Variants in COG3 observed in about 807,000 individuals in gnomAD.
COG3 encodes the protein component of oligomeric golgi complex 3.
In COG3, 32 loss-of-function variants were observed where a neutral mutation model predicts 114.1. The ratio of observed to expected loss-of-function variants is 0.28; its 90% CI spans 0.21 to 0.38. COG3 has a LOEUF of 0.38. Among genes scored for constraint, COG3 ranks in the 10% least tolerant of loss-of-function variants. The pLI, the probability that COG3 is intolerant of heterozygous loss-of-function variation, is 1.00. For synonymous variants in COG3, 352 were observed against 365.7 expected (o/e 0.96, Z 0.43); for missense variants, 813 against 973.2 (o/e 0.84, Z 2.19).
intron 14 of COG3, among the ~76,000 whole-genome samples, chr13:45,505,200 A>G (rs1869995071): frequency 6.6e-6 from 1 of 151,578 alleles, no homozygotes; most frequent in Admixed American, 6.6e-5. Flanking sequence ...AAAATAAAAA[A>G]AAAAAGGAAA....
At chr13:45,523,821 A>G (rs1872423972) in intron 19 of COG3, among the ~76,000 whole-genome samples, 1 of 152,248 alleles carries the variant, frequency 6.6e-6, no homozygotes, top group African/African-American at 2.4e-5. Flanking sequence ...AAATGTATAC[A>G]CATTAGTATA....
intron 14 of COG3, among the ~76,000 whole-genome samples, chr13:45,504,224 A>T (rs1008049689): frequency 5.9e-5 from 9 of 152,232 alleles, no homozygotes; most frequent in African/African-American, 1.9e-4. Context: ...AGTCTACTCT[A>T]TAAACAGTTG....
intron 17 of COG3, among the ~76,000 whole-genome samples, chr13:45,518,101 G>A (rs570523797): frequency 6.6e-6 from 1 of 152,326 alleles, no homozygotes; most frequent in Admixed American, 6.5e-5. Flanking sequence ...TTATGGTAGT[G>A]TGTGCTTGCC....
intron 1 of COG3, among the ~76,000 whole-genome samples, chr13:45,469,353 C>G (rs1885335102): frequency 6.6e-6 from 1 of 152,182 alleles, no homozygotes; most frequent in South Asian, 2.1e-4. Flanking sequence ...ACAGACTGAG[C>G]ACACGTGTAT....
chr13:45,470,291 A>G (rs1028054862), intron 1 of COG3, among the ~76,000 whole-genome samples: 1 of 152,200 alleles, frequency 6.6e-6, no homozygotes, highest in African/African-American at 2.4e-5. Flanking sequence ...AGGAAACTAG[A>G]TGGCTGGAGA....
At chr13:45,470,829 A>G (rs779759455) in intron 1 of COG3, among the ~76,000 whole-genome samples, 32 of 152,244 alleles carry the variant, frequency 2.1e-4, no homozygotes, top group African/African-American at 7.2e-4. Flanking sequence ...AGGATTTACA[A>G]TATACAGATG....
chr13:45,487,049 A>G (rs761327758), intron 8 of COG3, among the ~76,000 whole-genome samples: 1 of 152,230 alleles, frequency 6.6e-6, no homozygotes, highest in Non-Finnish European at 1.5e-5. Context: ...ATTTGGTCAG[A>G]TTTGCCAAAC....
chr13:45,486,515 T>C lies in COG3; in HGVS notation c.864T>C (p.Asn288=). The stretch of plus-strand genomic sequence containing the variant: ...TTTAGGATCCTTCATCTGTACCTAA[T>C]GCAGACAATGCCTTCACATTATTTT... ...LLKRDPSSVP[N]ADNAFTLFYV... Residue 288 remains asparagine, a synonymous_variant, in exon 8 of 23, where the codon AAT becomes AAC. Coordinates refer to ENST00000349995, the MANE Select transcript of COG3 (RefSeq NM_031431.4). 1 of 1,608,892 alleles carries C rather than the reference T, an allele frequency of 6.2e-7. No individual in the cohort carries two copies. The highest frequency in any genetic ancestry group is 8.5e-7 in the Non-Finnish European group (1 of 1,175,266).
chr13:45,503,176 T>G (rs988161703), intron 13 of COG3, 68 bp from the exon 14 acceptor site: 79 of 744,948 alleles, frequency 1.1e-4, no homozygotes, highest in Admixed American at 4.6e-4. Flanking sequence ...GTACTTTGTA[T>G]AAAGAACATG....
Position 45,525,013 on chromosome 13 carries a change from CCA to C in COG3, c.2193_2194del (p.Lys732ValfsTer16). ...AAAACAATGGCCAGTCAGGGAGGCC[CCA>C]AGTATACTCTCTCACAGCAGCCTTG... On this transcript the variant is annotated frameshift_variant, in exon 20 of 23. Transcript: ENST00000349995. LOFTEE classifies it high-confidence loss of function. 6.2e-7 allele frequency: 1 copy of C among 1,613,790 alleles called. No homozygotes were observed. Among genetic ancestry groups the C allele is most frequent in the Non-Finnish European group, 8.5e-7 (1 of 1,179,846 alleles).
At chr13:45,524,646 T>C (rs1872511016) in intron 19 of COG3, among the ~76,000 whole-genome samples, 1 of 152,190 alleles carries the variant, frequency 6.6e-6, no homozygotes, top group Non-Finnish European at 1.5e-5. Context: ...GAGACACCTG[T>C]TTTGTGTTGA....
chr13:45,474,883 C>G (rs1012458386), intron 1 of COG3, among the ~76,000 whole-genome samples: 4 of 152,136 alleles, frequency 2.6e-5, no homozygotes, highest in Non-Finnish European at 4.4e-5. Context: ...GAATTTGAAC[C>G]TAAACAATTA....
intron 9 of COG3, 88 bp from the exon 10 acceptor site, chr13:45,491,324 G>C: frequency 5.9e-6 from 8 of 1,356,736 alleles, no homozygotes; most frequent in Non-Finnish European, 8.1e-6. Context: ...AGCTTTAAAA[G>C]AGGTTTGGCA....
chr13:45,520,170 T>A (rs1472956950), intron 19 of COG3, among the ~76,000 whole-genome samples: 2 of 151,832 alleles, frequency 1.3e-5, no homozygotes, highest in Non-Finnish European at 2.9e-5. Context: ...GTGCCTATAG[T>A]CCCAGGTACT....
At position 45,465,199 on chromosome 13, in the gene COG3, G is replaced by T. The variant is rs759935145; in HGVS notation, c.163G>T (p.Val55Leu). 4 of 1,613,534 alleles carry T rather than the reference G, an allele frequency of 2.5e-6. No homozygotes were observed. The Admixed American group carries it at 6.7e-5, about 27-fold the overall frequency. Reference protein sequence around the residue: ...ELKAAAENLPVPAELPIEDLC... With the variant: ...ELKAAAENLPLPAELPIEDLC... ...GAAGGCGGCGGCAGAGAACTTGCCG[G>T]TGCCAGCTGAGGTGAGGTGATGGGC... The change falls in exon 1 of 23, where the codon GTG becomes TTG. Residue 55 changes from valine (V) to leucine (L), a missense_variant. By Grantham distance (32) the Val-to-Leu change is conservative (BLOSUM62 1). Coordinates refer to ENST00000349995, the MANE Select transcript of COG3 (RefSeq NM_031431.4).
chr13:45,527,105 C>T (rs999229719), intron 20 of COG3, among the ~76,000 whole-genome samples: 4 of 152,120 alleles, frequency 2.6e-5, no homozygotes, highest in Admixed American at 6.5e-5. Context: ...GCATAATTAA[C>T]GTATTGCTCT....
intron 12 of COG3, among the ~76,000 whole-genome samples, chr13:45,494,987 A>G (rs1868582809): frequency 6.7e-6 from 1 of 150,278 alleles, no homozygotes; most frequent in African/African-American, 2.5e-5. Flanking sequence ...CTGGGACTAC[A>G]GGTATGCACC....
intron 22 of COG3, 112 bp downstream of exon 22, chr13:45,530,892 C>A: frequency 7.4e-7 from 1 of 1,354,436 alleles, no homozygotes; most frequent in Non-Finnish European, 9.6e-7. Flanking sequence ...AAAAATATTA[C>A]CTTCTTTTAT....
Position 45,493,473 on chromosome 13 carries a change from T to C in COG3, c.1314T>C (p.His438=). 1.2e-6 allele frequency: 2 copies of C among 1,613,160 alleles called. No homozygotes were observed. Among genetic ancestry groups the C allele is most frequent in the Non-Finnish European group, 1.7e-6 (2 of 1,179,484 alleles). The change falls in exon 12 of 23, where the codon CAT becomes CAC. Residue 438 remains histidine, a synonymous_variant. Transcript: ENST00000349995. ...GILKNEVLED[H]VQNNAEQLGA... The stretch of plus-strand genomic sequence containing the variant: ...TTAAAAATGAGGTGCTTGAAGATCA[T>C]GTGCAGAACAATGGTAAATGAGTAG...
Sources: gnomAD v4.1 joint callset for allele counts (sites outside exome capture counted in the v4.1 genomes callset) on GRCh38, gnomAD v4.1.1 for gene constraint, MANE v1.5 for transcripts, NCBI Gene and HGNC (gene_info 2026-07-23, HGNC 2026-07-21) for gene names.